Variants in FGF12 observed in about 807,000 individuals in gnomAD.
FGF12 encodes the protein fibroblast growth factor 12B.
A neutral mutation model predicts 23.6 loss-of-function variants in FGF12; 14 were observed. That is an observed-to-expected ratio of 0.59 (90% confidence interval 0.39 to 0.93). The LOEUF (loss-of-function observed/expected upper bound fraction) is 0.93, where lower values mean the gene tolerates loss of function less well. Among genes scored for constraint, FGF12 ranks in the 40% least tolerant of loss-of-function variants. The pLI is 0.00. For synonymous variants in FGF12, 62 were observed against 77.3 expected, an observed-to-expected ratio of 0.80 and a Z score of 1.04; for missense variants, 175 against 217.8, an observed-to-expected ratio of 0.80 and a Z score of 1.24.
rs1273411210 is a variant in FGF12, at chr3:192,305,677, A to ATATAT, written c.228+29683_228+29684insATATA. On this transcript the variant is annotated intron_variant, in intron 4 of 5. Coordinates refer to ENST00000445105, the MANE Select transcript of FGF12 (RefSeq NM_004113.6). Reference sequence around the variant, plus strand: ...GAAAGGTGGCTTAGGAAAAAAAAAAAAAATATATATATATATATAAATATA... The same window carrying ATATAT: ...GAAAGGTGGCTTAGGAAAAAAAAAAATATATAAATATATATATATATATAAATATA... 8.2e-3 allele frequency among the ~76,000 whole-genome samples: 912 copies of ATATAT among 111,842 alleles called. 4 individuals carry two copies. Among genetic ancestry groups the ATATAT allele is most frequent in the Middle Eastern group, 0.027 (6 of 222 alleles). 73.4% of individuals were successfully genotyped at this position (111,842 alleles called of 152,430 possible).
intron 2 of FGF12, among the ~76,000 whole-genome samples, chr3:192,532,300 T>G (rs2108851643): frequency 6.6e-6 from 1 of 152,210 alleles, no homozygotes; most frequent in African/African-American, 2.4e-5. Context: ...GCTGATGACC[T>G]TTCGATGGGG....
intron 4 of FGF12, among the ~76,000 whole-genome samples, chr3:192,205,400 T>C (rs979347304): frequency 3.3e-5 from 5 of 152,182 alleles, no homozygotes; most frequent in Admixed American, 6.5e-5. Flanking sequence ...GAGAGGGTTT[T>C]CTTGGACCTA....
chr3:192,167,749 ATATATATATATATATATATAAAATT>A (rs1172177856), intron 5 of FGF12, among the ~76,000 whole-genome samples: 4 of 25,470 alleles, frequency 1.6e-4, no homozygotes, highest in Middle Eastern at 0.02. Context: ...ATATATATAT[ATATATATATATATATATATAAAATT>A]TTTTTTTTTT....
chr3:192,232,915 G>A (rs1165507496), intron 4 of FGF12, among the ~76,000 whole-genome samples: 1 of 152,074 alleles, frequency 6.6e-6, no homozygotes, highest in Admixed American at 6.6e-5. Flanking sequence ...AGTATTCCAC[G>A]ACGTACATGT....
intron 2 of FGF12, among the ~76,000 whole-genome samples, chr3:192,394,283 G>A (rs1374484037): frequency 2.0e-5 from 3 of 152,152 alleles, no homozygotes; most frequent in Non-Finnish European, 4.4e-5. Flanking sequence ...CAAAATGCTA[G>A]AAACAAGGAA....
At chr3:192,260,336 T>A (rs1023535146) in intron 4 of FGF12, among the ~76,000 whole-genome samples, 3 of 152,206 alleles carry the variant, frequency 2.0e-5, no homozygotes, top group Non-Finnish European at 4.4e-5. Context: ...TTATATTTTA[T>A]ACATCTTTGA....
chr3:192,472,787 G>A (rs1044872474), intron 2 of FGF12, among the ~76,000 whole-genome samples: 1 of 152,108 alleles, frequency 6.6e-6, no homozygotes, highest in South Asian at 2.1e-4. Context: ...CTTGCCCTTC[G>A]TTCCTACCAG....
At chr3:192,441,307 G>T (rs1039173927) in intron 2 of FGF12, among the ~76,000 whole-genome samples, 12 of 152,162 alleles carry the variant, frequency 7.9e-5, no homozygotes, top group African/African-American at 2.2e-4. Context: ...ATGAGCAAAT[G>T]AATCTTTGAC....
At chr3:192,651,631 T>C (rs1375413044) in intron 2 of FGF12, among the ~76,000 whole-genome samples, 1 of 152,152 alleles carries the variant, frequency 6.6e-6, no homozygotes, top group Non-Finnish European at 1.5e-5. Flanking sequence ...TTATAGAAAA[T>C]ATATTGAAAC....
At chr3:192,281,509 A>G (rs1253998041) in intron 4 of FGF12, among the ~76,000 whole-genome samples, 1 of 152,130 alleles carries the variant, frequency 6.6e-6, no homozygotes. Context: ...TTTGGAGGAC[A>G]CTATTCATGT....
chr3:192,229,631 G>A (rs1193156331), intron 4 of FGF12, among the ~76,000 whole-genome samples: 3 of 152,032 alleles, frequency 2.0e-5, no homozygotes, highest in Non-Finnish European at 4.4e-5. Flanking sequence ...TGGAGACTAA[G>A]AAGATCCATG....
intron 2 of FGF12, among the ~76,000 whole-genome samples, chr3:192,499,860 A>G (rs1179599014): frequency 6.6e-6 from 1 of 151,906 alleles, no homozygotes; most frequent in Non-Finnish European, 1.5e-5. Flanking sequence ...CTAGGATCCA[A>G]ATATTAAGAT....
chr3:192,567,095 A>G (rs887613799), intron 2 of FGF12, among the ~76,000 whole-genome samples: 5 of 152,216 alleles, frequency 3.3e-5, no homozygotes, highest in African/African-American at 1.2e-4. Context: ...AGTCAACAGG[A>G]AAAGGATCAT....
intron 2 of FGF12, chr3:192,515,441 G>A (rs1365584084): frequency 6.5e-6 from 1 of 152,794 alleles, no homozygotes; most frequent in Admixed American, 6.5e-5. Context: ...GTGTGCGTAG[G>A]CGTGGACAGA....
At chr3:192,621,690 CAAAA>C (rs5855441) in intron 2 of FGF12, among the ~76,000 whole-genome samples, 31 of 94,372 alleles carry the variant, frequency 3.3e-4, no homozygotes, top group African/African-American at 1.1e-3. Context: ...GATACAAATA[CAAAA>C]AAAAAAAAAA....
At chr3:192,552,479 T>C (rs965280954) in intron 2 of FGF12, among the ~76,000 whole-genome samples, 8 of 152,050 alleles carry the variant, frequency 5.3e-5, no homozygotes, top group African/African-American at 1.4e-4. Flanking sequence ...CTTGACTGAG[T>C]ATATTATAAT....
At chr3:192,490,467 A>AG (rs1194637214) in intron 2 of FGF12, among the ~76,000 whole-genome samples, 3 of 152,148 alleles carry the variant, frequency 2.0e-5, no homozygotes, top group African/African-American at 7.2e-5. Flanking sequence ...ATATAAACAT[A>AG]TAAGTGTGTA....
intron 2 of FGF12, among the ~76,000 whole-genome samples, chr3:192,603,828 T>A (rs1169723707): frequency 6.6e-6 from 1 of 152,102 alleles, no homozygotes; most frequent in African/African-American, 2.4e-5. Context: ...ATTGTCTTGA[T>A]AAACATCTTA....
chr3:192,156,987 T>G (rs776246800), intron 5 of FGF12, among the ~76,000 whole-genome samples: 2 of 152,208 alleles, frequency 1.3e-5, no homozygotes, highest in Non-Finnish European at 2.9e-5. Flanking sequence ...CTATCGTAGA[T>G]TGAAACGGAG....
Sources: allele counts gnomAD v4.1 joint callset (sites outside exome capture counted in the v4.1 genomes callset), GRCh38; gene constraint gnomAD v4.1.1; transcripts MANE v1.5; gene names NCBI Gene and HGNC (gene_info 2026-07-23, HGNC 2026-07-21).